ERCC6L2: variants seen among roughly 807,000 people sequenced by gnomAD.
ERCC6L2 encodes ERCC excision repair 6 like 2, also known as DNA excision repair protein ERCC-6-like 2.
A neutral mutation model predicts 132.0 loss-of-function variants in ERCC6L2; 77 were observed. The ratio of observed to expected loss-of-function variants is 0.58; its 90% CI spans 0.49 to 0.71. The LOEUF (loss-of-function observed/expected upper bound fraction) is 0.71, where lower values mean the gene tolerates loss of function less well. ERCC6L2 is among the 30% of genes least tolerant of loss of function. The pLI is 0.00. For missense variants in ERCC6L2, 1,542 were observed against 1,837.6 expected (o/e 0.84, Z 2.94); for synonymous variants, 583 against 632.4 (o/e 0.92, Z 1.17).
At chr9:95,943,934 C>G (rs1421079444) in intron 12 of ERCC6L2, among the ~76,000 whole-genome samples, 1 of 152,206 alleles carries the variant, frequency 6.6e-6, no homozygotes, top group Admixed American at 6.5e-5. Context: ...TCAAGTGGCA[C>G]AGCTGCTGTG....
At chr9:95,901,456 C>A (rs969598145) in intron 3 of ERCC6L2, among the ~76,000 whole-genome samples, 1 of 152,272 alleles carries the variant, frequency 6.6e-6, no homozygotes, top group African/African-American at 2.4e-5. Flanking sequence ...ACTGGTGTAA[C>A]TTTTCCTTCT....
intron 6 of ERCC6L2, among the ~76,000 whole-genome samples, chr9:95,919,992 G>A (rs567439397): frequency 6.6e-6 from 1 of 152,192 alleles, no homozygotes; most frequent in Admixed American, 6.5e-5. Flanking sequence ...AAATAATGTG[G>A]CAGAGGGATT....
Position 95,880,987 on chromosome 9 carries a change from A to T in ERCC6L2, c.165A>T (p.Leu55Phe). Residue 55 changes from leucine (L) to phenylalanine (F), a missense_variant, in exon 2 of 19, where the codon TTA becomes TTT. Leu to Phe is a conservative substitution (Grantham distance 22). Around this residue, in one of 4 missense-constraint regions of ERCC6L2, gnomAD observed 153 missense variants for 132.3 expected, o/e 1.16. Transcript: ENST00000653738. ...ATGGCAAGTCATTTGCAGTCGTCTT[A>T]TATGCAGATTTTCAAGAAAGGAAAA... ...DENGKSFAVV[L>F]YADFQERKIP... is the part of the protein sequence containing the mutation. The T allele has an allele frequency of 6.2e-7, 1 of 1,614,058 alleles. No individual in the cohort carries two copies. The highest frequency in any genetic ancestry group is 1.1e-5 in the South Asian group (1 of 91,074).
At chr9:96,009,583 CT>C (rs1043330795) in intron 18 of ERCC6L2, among the ~76,000 whole-genome samples, 50 of 152,130 alleles carry the variant, frequency 3.3e-4, no homozygotes, top group African/African-American at 1.1e-3. Context: ...TCTTTGGTTT[CT>C]TTTTTTCCCC....
At chr9:95,906,985 G>C (rs1302735908) in intron 3 of ERCC6L2, 93 bp from the exon 4 acceptor site, 1 of 809,336 alleles carries the variant, frequency 1.2e-6, no homozygotes, top group Non-Finnish European at 2.0e-6. Context: ...CAAAATTAAG[G>C]AAGAGGACTA....
intron 17 of ERCC6L2, among the ~76,000 whole-genome samples, chr9:95,980,921 C>T (rs575347100): frequency 3.5e-4 from 54 of 152,258 alleles, no homozygotes; most frequent in African/African-American, 1.3e-3. Flanking sequence ...AGAATCTTTT[C>T]GGTTCCTGGT....
chr9:95,944,106 A>G (rs2132896852), intron 12 of ERCC6L2, among the ~76,000 whole-genome samples: 1 of 152,332 alleles, frequency 6.6e-6, no homozygotes, highest in South Asian at 2.1e-4. Flanking sequence ...CAATAGCTAA[A>G]ATGTGGAAGC....
intron 18 of ERCC6L2, among the ~76,000 whole-genome samples, chr9:96,009,489 C>T (rs1395887777): frequency 6.6e-6 from 1 of 152,160 alleles, no homozygotes; most frequent in Non-Finnish European, 1.5e-5. Context: ...TGTGTTCCAC[C>T]TCCCTTCCTC....
rs528850182 is a variant in ERCC6L2, at chr9:95,894,078, A to G, written c.472-3771A>G. ...CCTACTGAACGTTATAGCTTAGCCT[A>G]TCCTACCTTAAACATGCTCAGAACA... On this transcript the variant is annotated intron_variant, in intron 2 of 18. Coordinates refer to ENST00000653738, the MANE Select transcript of ERCC6L2 (RefSeq NM_020207.7). 5.3e-5 allele frequency among the ~76,000 whole-genome samples: 8 copies of G among 152,244 alleles called. 1 individual carries two copies. In the South Asian group the frequency reaches 8.3e-4, roughly 16 times the overall value.
intron 11 of ERCC6L2, among the ~76,000 whole-genome samples, chr9:95,933,923 T>G (rs1239239079): frequency 6.6e-6 from 1 of 151,792 alleles, no homozygotes; most frequent in Non-Finnish European, 1.5e-5. Flanking sequence ...GTTCCTGATA[T>G]ATAGTAGATG....
chr9:96,030,099 A>G (rs1333177601), intron 19 of ERCC6L2, among the ~76,000 whole-genome samples: 1 of 152,212 alleles, frequency 6.6e-6, no homozygotes, highest in Non-Finnish European at 1.5e-5. Flanking sequence ...TGCCCCAGTC[A>G]GCACTCTGTA....
At chr9:95,896,034 T>G (rs1015254245) in intron 2 of ERCC6L2, among the ~76,000 whole-genome samples, 2 of 152,178 alleles carry the variant, frequency 1.3e-5, no homozygotes, top group African/African-American at 4.8e-5. Flanking sequence ...GTTACTTGAT[T>G]TCAACCAAAC....
chr9:95,996,620 C>T (rs1312937841), intron 17 of ERCC6L2, among the ~76,000 whole-genome samples: 1 of 152,182 alleles, frequency 6.6e-6, no homozygotes, highest in Non-Finnish European at 1.5e-5. Flanking sequence ...TGATAATTTA[C>T]CATTTGGAAA....
intron 2 of ERCC6L2, among the ~76,000 whole-genome samples, chr9:95,893,241 A>G (rs1828262512): frequency 6.6e-6 from 1 of 152,194 alleles, no homozygotes; most frequent in East Asian, 1.9e-4. Flanking sequence ...CTAGCTGATA[A>G]CTACCTAATA....
At chr9:95,954,874 G>A (rs1320106943) in intron 12 of ERCC6L2, 1 of 471,000 alleles carries the variant, frequency 2.1e-6, no homozygotes, top group Non-Finnish European at 4.4e-6. Flanking sequence ...TGTGAGATTT[G>A]CAGGATCCAA....
In ERCC6L2 at chr9:95,923,278, A is replaced by G. The variant is rs1329162399; in HGVS notation, c.1432A>G (p.Ile478Val). Residue 478 changes from isoleucine to valine, a missense_variant, in exon 9 of 19, where the codon ATA becomes GTA. By Grantham distance (29) the Ile-to-Val change is conservative. This residue lies in a region of ERCC6L2 where 945 missense variants were observed against 1,105.2 expected (regional missense o/e 0.86). Coordinates refer to ENST00000653738, the MANE Select transcript of ERCC6L2 (RefSeq NM_020207.7). ...SKQQETLIKR[I>V]CDQVFSRFPD... is the part of the protein sequence containing the mutation. ...CTTCAAGGAAACACTTATCAAAAGG[A>G]TATGTGATCAGGTATTTTCCAGATT... The G allele has an allele frequency of 2.5e-6, 4 of 1,613,590 alleles. No homozygotes were observed. The highest frequency in any genetic ancestry group is 1.7e-5 in the Admixed American group (1 of 59,994).
intron 1 of ERCC6L2, among the ~76,000 whole-genome samples, chr9:95,878,664 A>G (rs1338677005): frequency 1.7e-5 from 1 of 57,974 alleles, no homozygotes; most frequent in African/African-American, 6.7e-5. Context: ...CCTTCCCCCC[A>G]CCCCACAACA....
At chr9:95,935,765 G>T (rs893759562) in intron 11 of ERCC6L2, among the ~76,000 whole-genome samples, 4 of 152,156 alleles carry the variant, frequency 2.6e-5, no homozygotes, top group African/African-American at 9.7e-5. Flanking sequence ...GGTCATTGAG[G>T]CCGATTGGTC....
At chr9:96,034,986 C>T (rs916685866) in intron 19 of ERCC6L2, among the ~76,000 whole-genome samples, 1 of 152,172 alleles carries the variant, frequency 6.6e-6, no homozygotes, top group Admixed American at 6.5e-5. Context: ...TGCTATTGCC[C>T]TCCCAGGCAC....
Sources: gnomAD v4.1 joint callset for allele counts (sites outside exome capture counted in the v4.1 genomes callset) on GRCh38, gnomAD v4.1.1 for gene constraint, gnomAD v4.1.1 regional missense constraint, MANE v1.5 for transcripts, NCBI Gene and HGNC (gene_info 2026-07-23, HGNC 2026-07-21) for gene names.